Variants in TGFBI observed in about 807,000 individuals in gnomAD.
The protein encoded by TGFBI is transforming growth factor-beta-induced protein ig-h3.
A neutral mutation model predicts 73.7 loss-of-function variants in TGFBI; 50 were observed. The observed-to-expected ratio is 0.68, with a 90% CI of 0.54 to 0.86. TGFBI has a LOEUF of 0.86. Ranked by LOEUF, TGFBI falls within the 40% of genes least tolerant of loss-of-function variation. TGFBI has a pLI of 0.00. For missense variants in TGFBI, 839 were observed against 877.0 expected (o/e 0.96, Z 0.55); for synonymous variants, 362 against 360.5 (o/e 1.00, Z -0.05).
chr5:136,036,205 G>C (rs1227007052), intron 2 of TGFBI, among the ~76,000 whole-genome samples: 1 of 152,172 alleles, frequency 6.6e-6, no homozygotes, highest in Non-Finnish European at 1.5e-5. Context: ...TCTAGGAAAA[G>C]GAAGAAATGT....
intron 12 of TGFBI, among the ~76,000 whole-genome samples, chr5:136,058,422 C>A (rs879748246): frequency 1.3e-5 from 2 of 152,144 alleles, no homozygotes; most frequent in Admixed American, 1.3e-4. Flanking sequence ...TGCCTCTGCA[C>A]CTTTATGGGC....
Position 136,038,791 on chromosome 5 carries a change from T to C in TGFBI, c.233+4930T>C, listed in dbSNP as rs111536874. On this transcript the variant is annotated intron_variant, in intron 2 of 16. Transcript: ENST00000442011. ...CAACGTGATGATGAAAGCTGACATT[T>C]GAGTGATGCAACCACAAGCCAAGGA... 5.3e-3 allele frequency among the ~76,000 whole-genome samples: 804 copies of C among 151,802 alleles called. 2 individuals are homozygous for C. The highest frequency in any genetic ancestry group is 8.6e-3 in the Non-Finnish European group (587 of 67,958).
chr5:136,028,996 C>T lies in TGFBI; in HGVS notation c.-60C>T, dbSNP rs2126899906. The T allele has an allele frequency of 6.7e-7, 1 of 1,503,622 alleles. No individual in the cohort carries two copies. The highest frequency in any genetic ancestry group is 8.8e-7 in the Non-Finnish European group (1 of 1,133,262). The allele number at this position is 1,503,622 out of a possible 1,614,324, so 93.1% of individuals were successfully genotyped here. ...CGGGCGGCGGAGGCGCTCTCACTTC[C>T]CTGGAGCCGCCCGCTTGCCCGTCGG... On this transcript the variant is annotated 5_prime_UTR_variant, in exon 1 of 17. Transcript: ENST00000442011.
At chr5:136,055,126 T>G in intron 10 of TGFBI, 1 of 439,040 alleles carries the variant, frequency 2.3e-6, no homozygotes, top group Non-Finnish European at 4.1e-6. Flanking sequence ...AATTCAGGAA[T>G]TAACACCTGG....
At chr5:136,060,227 T>C (rs1272159109) in intron 13 of TGFBI, among the ~76,000 whole-genome samples, 1 of 152,236 alleles carries the variant, frequency 6.6e-6, no homozygotes, top group African/African-American at 2.4e-5. Context: ...GGGACAATAA[T>C]ATCTACTCTC....
intron 2 of TGFBI, among the ~76,000 whole-genome samples, chr5:136,036,011 G>A (rs566962000): frequency 2.0e-5 from 3 of 152,370 alleles, no homozygotes; most frequent in Admixed American, 2.0e-4. Context: ...AATACTGTCA[G>A]TGATGAGTCG....
chr5:136,037,541 T>TA (rs1318506213), intron 2 of TGFBI, among the ~76,000 whole-genome samples: 1 of 152,162 alleles, frequency 6.6e-6, no homozygotes, highest in Non-Finnish European at 1.5e-5. Context: ...GGAATAGTCA[T>TA]AGCAGGAGCT....
At chr5:136,035,639 A>G (rs6875258) in intron 2 of TGFBI, among the ~76,000 whole-genome samples, 33,075 of 149,672 alleles carry the variant, frequency 0.22, 3,886 homozygotes, top group Admixed American at 0.3. Flanking sequence ...AAAAAAAAAA[A>G]AAAAGAAAAG....
At chr5:136,047,741 A>G (rs2073510) in intron 6 of TGFBI, 95,000 of 298,946 alleles carry the variant, frequency 0.32, 15,995 homozygotes, top group African/African-American at 0.46. Flanking sequence ...CAGTTCCCAC[A>G]TGGGGTACTA....
intron 16 of TGFBI, 58 bp from the exon 17 acceptor site, chr5:136,063,128 C>T (rs1580724861): frequency 2.0e-6 from 3 of 1,524,768 alleles, no homozygotes; most frequent in Non-Finnish European, 2.7e-6. Flanking sequence ...CTGACAGTGT[C>T]CTAGACAGAC....
At chr5:136,029,868 G>C (rs1181326114) in intron 1 of TGFBI, among the ~76,000 whole-genome samples, 1 of 152,222 alleles carries the variant, frequency 6.6e-6, no homozygotes, top group Non-Finnish European at 1.5e-5. Context: ...GTGTGCACTG[G>C]AGCCAGGATT....
intron 13 of TGFBI, 143 bp downstream of exon 13, chr5:136,059,357 G>T: frequency 8.0e-7 from 1 of 1,248,118 alleles, no homozygotes; most frequent in Non-Finnish European, 1.1e-6. Flanking sequence ...CAAAGAAAAA[G>T]AGAAAAGAGA....
At chr5:136,059,407 C>T (rs940504424) in intron 13 of TGFBI, among the ~76,000 whole-genome samples, 193 bp downstream of exon 13, 1 of 152,200 alleles carries the variant, frequency 6.6e-6, no homozygotes, top group Admixed American at 6.5e-5. Context: ...CATAGTTAGA[C>T]ATGAGTAAGA....
chr5:136,054,000 T>C lies in TGFBI; in HGVS notation c.1184T>C (p.Phe395Ser), dbSNP rs769163905. ...GATGTGTCCACAGCCATTGACCTTT[T>C]CAGACAAGCCGGCCTCGGCAATCAT... is the stretch of plus-strand genomic sequence containing the variant. Reference protein sequence around the residue: ...ESDVSTAIDLFRQAGLGNHLS... With the variant: ...ESDVSTAIDLSRQAGLGNHLS... The change falls in exon 9 of 17, where the codon TTC (phenylalanine) becomes TCC (serine). Residue 395 changes from phenylalanine to serine, a missense_variant. Phe to Ser is a radical substitution (Grantham distance 155, BLOSUM62 -2). Coordinates refer to ENST00000442011, the MANE Select transcript of TGFBI (RefSeq NM_000358.3). 6.2e-7 allele frequency: 1 copy of C among 1,613,960 alleles called. No individual in the cohort carries two copies. The highest frequency in any genetic ancestry group is 2.2e-5 in the East Asian group (1 of 44,894).
At chr5:136,055,153 C>G (rs760734208) in intron 10 of TGFBI, 18 of 380,860 alleles carry the variant, frequency 4.7e-5, no homozygotes, top group Non-Finnish European at 8.5e-5. Context: ...GGATGGAGTT[C>G]AGACTCTTTC....
chr5:136,044,123 G>A lies in TGFBI; in HGVS notation c.298+1G>A, dbSNP rs377463552. 5.0e-6 allele frequency: 8 copies of A among 1,612,452 alleles called. No individual in the cohort carries two copies. The highest frequency in any genetic ancestry group is 2.2e-5 in the South Asian group (2 of 90,784). On this transcript the variant is annotated splice_donor_variant, in intron 3 of 16. Transcript: ENST00000442011. LOFTEE classifies it high-confidence loss of function. ...CCTGGGGAGAAGGGCTGTCCAGCAG[G>A]TGAATGAATCCTCCGGGCCTTGCCT...
At chr5:136,035,664 T>C (rs1279453049) in intron 2 of TGFBI, among the ~76,000 whole-genome samples, 1 of 150,930 alleles carries the variant, frequency 6.6e-6, no homozygotes, top group East Asian at 1.9e-4. Flanking sequence ...CCTTTAGTAC[T>C]GATTGATTTT....
intron 6 of TGFBI, 80 bp from the exon 7 acceptor site, chr5:136,049,359 A>G: frequency 6.5e-7 from 1 of 1,543,614 alleles, no homozygotes; most frequent in Non-Finnish European, 8.8e-7. Flanking sequence ...CTTGCGGGGA[A>G]CCAGTGAAGC....
At chr5:136,060,755 CT>C in intron 13 of TGFBI, 78 bp from the exon 14 acceptor site, 1 of 1,140,524 alleles carries the variant, frequency 8.8e-7, no homozygotes, top group South Asian at 1.8e-5. Context: ...TCAGTAAACA[CT>C]TGCTGAATGA....
Sources: allele counts gnomAD v4.1 joint callset (sites outside exome capture counted in the v4.1 genomes callset), GRCh38; gene constraint gnomAD v4.1.1; transcripts MANE v1.5; gene names NCBI Gene and HGNC (gene_info 2026-07-23, HGNC 2026-07-21).